The following SPG7 variants were observed in gnomAD, a reference collection of about 807,000 sequenced individuals.
The protein encoded by SPG7 is mitochondrial inner membrane m-AAA protease component paraplegin.
A neutral mutation model predicts 81.9 loss-of-function variants in SPG7; 103 were observed. The ratio of observed to expected loss-of-function variants is 1.26; its 90% CI spans 1.07 to 1.48. SPG7 has a LOEUF of 1.48. SPG7 is among the 40% of genes most tolerant of loss of function. The pLI is 0.00. For synonymous variants in SPG7, 534 were observed against 444.2 expected (o/e 1.20, Z -2.54); for missense variants, 1,241 against 1,087.3 (o/e 1.14, Z -1.99).
At chr16:89,547,571 T>C in intron 11 of SPG7, 1 of 271,658 alleles carries the variant, frequency 3.7e-6, no homozygotes. Context: ...ACCAGCACTC[T>C]TGGTTCTTGG....
chr16:89,528,377 G>C lies in SPG7; in HGVS notation c.759-1100G>C, dbSNP rs911392274. On this transcript the variant is annotated intron_variant, in intron 5 of 16. Coordinates refer to ENST00000645818, the MANE Select transcript of SPG7 (RefSeq NM_003119.4). The stretch of plus-strand genomic sequence containing the variant: ...ACTGCAGTCTGGCCTGGGTGACAGA[G>C]CCAGACTCCATCTCAAACAAAAAAA... 1.4e-4 allele frequency among the ~76,000 whole-genome samples: 21 copies of C among 146,354 alleles called. 1 individual carries two copies. The highest frequency in any genetic ancestry group is 2.8e-4 in the Non-Finnish European group (19 of 66,908).
chr16:89,530,049 G>C, intron 6 of SPG7: 1 of 288,354 alleles, frequency 3.5e-6, no homozygotes, highest in Non-Finnish European at 6.7e-6. Flanking sequence ...ATGTTGTTCA[G>C]GCTGGTCTCG....
Position 89,532,452 on chromosome 16 carries a change from T to C in SPG7, c.1151-11T>C, listed in dbSNP as rs765437010. The C allele has an allele frequency of 1.2e-6, 2 of 1,613,246 alleles. No individual in the cohort carries two copies. The highest frequency in any genetic ancestry group is 2.2e-5 in the East Asian group (1 of 44,884). Reference sequence around the variant, plus strand: ...ACTGCCCATTTCCTGATTCTCTCTGTGTCCCCTCAGGCCTCGGCGCTGCCC... The same window carrying C: ...ACTGCCCATTTCCTGATTCTCTCTGCGTCCCCTCAGGCCTCGGCGCTGCCC... On this transcript the variant is annotated splice_polypyrimidine_tract_variant and intron_variant, in intron 8 of 16. Coordinates refer to ENST00000645818, the MANE Select transcript of SPG7 (RefSeq NM_003119.4).
intron 2 of SPG7, among the ~76,000 whole-genome samples, chr16:89,510,990 G>A (rs574936883): frequency 2.6e-5 from 4 of 152,210 alleles, no homozygotes; most frequent in Non-Finnish European, 4.4e-5. Context: ...ACACCAAAGC[G>A]CCTAGCTAAT....
At chr16:89,550,276 G>C (rs1220812032) in intron 12 of SPG7, 6 of 513,374 alleles carry the variant, frequency 1.2e-5, no homozygotes, top group African/African-American at 1.9e-5. Flanking sequence ...AGGTTCAAGT[G>C]ATTCTCTTGC....
intron 2 of SPG7, among the ~76,000 whole-genome samples, chr16:89,512,525 C>T (rs1031877657): frequency 1.3e-5 from 2 of 151,088 alleles, no homozygotes; most frequent in African/African-American, 4.9e-5. Flanking sequence ...CTCAGCCAGT[C>T]TGGTCTTGAA....
At chr16:89,542,263 C>G (rs531240833) in intron 9 of SPG7, 1 of 152,378 alleles carries the variant, frequency 6.6e-6, no homozygotes, top group East Asian at 1.9e-4. Context: ...AAGGAAGGCG[C>G]TCCACGACAC....
intron 5 of SPG7, 147 bp from the exon 6 acceptor site, chr16:89,529,330 C>G: frequency 2.9e-6 from 2 of 684,600 alleles, no homozygotes; most frequent in Non-Finnish European, 5.3e-6. Flanking sequence ...CCCATTTCCA[C>G]AACCATTTTA....
intron 1 of SPG7, chr16:89,508,925 C>T: frequency 3.7e-6 from 2 of 545,910 alleles, no homozygotes; most frequent in South Asian, 3.1e-5. Flanking sequence ...TCCGGCGTAG[C>T]ACTAATTTAC....
At chr16:89,516,880 G>A (rs1420760227) in intron 3 of SPG7, 1 of 145,390 alleles carries the variant, frequency 6.9e-6, no homozygotes, top group African/African-American at 2.5e-5. Flanking sequence ...AAAAAATTAA[G>A]AAAGAAAAAA....
chr16:89,534,592 G>T (rs1193630112), intron 9 of SPG7, among the ~76,000 whole-genome samples: 1 of 152,158 alleles, frequency 6.6e-6, no homozygotes, highest in Non-Finnish European at 1.5e-5. Flanking sequence ...TTTCTTTGTT[G>T]CCTGTGGCTG....
chr16:89,544,631 C>G lies in SPG7; in HGVS notation c.1325-17C>G, dbSNP rs1161489989. 6.2e-7 allele frequency: 1 copy of G among 1,613,694 alleles called. No homozygotes were observed. Among genetic ancestry groups the G allele is most frequent in the Non-Finnish European group, 8.5e-7 (1 of 1,179,806 alleles). On this transcript the variant is annotated splice_polypyrimidine_tract_variant and intron_variant, in intron 9 of 16. Coordinates refer to ENST00000645818, the MANE Select transcript of SPG7 (RefSeq NM_003119.4). ...GGACCCCTACCCTCAGAGCCACTGT[C>G]TGCTCTGTCCCCTCAGGAATGGGTA...
At chr16:89,550,682 C>G (rs1456748843) in intron 13 of SPG7, 73 bp downstream of exon 13, 23 of 1,003,164 alleles carry the variant, frequency 2.3e-5, no homozygotes, top group Non-Finnish European at 3.1e-6. Flanking sequence ...GTGTCTGTAG[C>G]TGACTGGGGA....
chr16:89,539,161 A>G (rs905086696), intron 9 of SPG7: 5 of 152,252 alleles, frequency 3.3e-5, no homozygotes, highest in African/African-American at 1.2e-4. Context: ...TTCACCCTCT[A>G]ACGGGGAACA....
At chr16:89,548,319 C>T (rs111699822) in intron 12 of SPG7, 11 of 535,838 alleles carry the variant, frequency 2.1e-5, no homozygotes, top group African/African-American at 9.6e-5. Context: ...TAAGAGTAGA[C>T]GCTCGTCCAA....
chr16:89,551,147 G>C (rs2058630177), intron 13 of SPG7: 1 of 192,144 alleles, frequency 5.2e-6, no homozygotes, highest in African/African-American at 2.3e-5. Flanking sequence ...TGATGTTACA[G>C]CTTCTCTAAG....
At chr16:89,513,153 T>C (rs1157595481) in intron 3 of SPG7, 116 bp downstream of exon 3, 2 of 1,443,788 alleles carry the variant, frequency 1.4e-6, no homozygotes, top group African/African-American at 2.8e-5. Flanking sequence ...CCGGGTGCAG[T>C]GGCTCACACT....
intron 9 of SPG7, chr16:89,543,896 C>T (rs1054758183): frequency 6.5e-6 from 1 of 152,726 alleles, no homozygotes; most frequent in Non-Finnish European, 1.5e-5. Context: ...ATCTGCCTGC[C>T]TCGGCCTCCC....
intron 11 of SPG7, chr16:89,547,202 G>A (rs1182941473): frequency 4.6e-6 from 1 of 215,366 alleles, no homozygotes; most frequent in Non-Finnish European, 9.5e-6. Flanking sequence ...AAAAGTTAAT[G>A]TCAACAAACC....
Sources: allele counts gnomAD v4.1 joint callset (sites outside exome capture counted in the v4.1 genomes callset), GRCh38; gene constraint gnomAD v4.1.1; transcripts MANE v1.5; gene names NCBI Gene and HGNC (gene_info 2026-07-23, HGNC 2026-07-21).